The following TRRAP variants were observed in gnomAD, a reference collection of about 807,000 sequenced individuals.
TRRAP encodes transformation/transcription domain-associated protein.
TRRAP carries 41 observed loss-of-function variants against 438.8 expected under a neutral mutation model. The observed-to-expected ratio is 0.09, with a 90% CI of 0.07 to 0.12. The LOEUF (loss-of-function observed/expected upper bound fraction) is 0.12, where lower values mean the gene tolerates loss of function less well. Among genes scored for constraint, TRRAP ranks in the 10% least tolerant of loss-of-function variants. The pLI, the probability that TRRAP is intolerant of heterozygous loss-of-function variation, is 1.00. For missense variants in TRRAP, 3,122 were observed against 5,055.1 expected (o/e 0.62, Z 11.60); for synonymous variants, 1,994 against 1,962.9 (o/e 1.02, Z -0.42).
chr7:98,906,016 C>T (rs964688912), intron 12 of TRRAP, among the ~76,000 whole-genome samples, 161 bp from the exon 13 acceptor site: 23 of 152,232 alleles, frequency 1.5e-4, no homozygotes, highest in African/African-American at 5.3e-4. Context: ...CTATGTTAGA[C>T]TGAAATAGCA....
rs1190688505 is a variant in TRRAP at position 99,012,319 on chromosome 7, G to A, written c.11586G>A (p.Leu3862=). 1.2e-6 allele frequency: 2 copies of A among 1,610,084 alleles called. No homozygotes were observed. The highest frequency in any genetic ancestry group is 1.1e-5 in the South Asian group (1 of 90,480). ...CCGCGGCAAACAGCCTGGACAATCT[G>A]TGCCGCATGGACCCCGCCTGGCACC... is the stretch of plus-strand genomic sequence containing the variant. ...LVAAANSLDN[L]CRMDPAWHPW... Residue 3862 remains leucine, a synonymous_variant, in exon 73 of 73, where the codon CTG becomes CTA. Transcript: ENST00000456197. This position sits in a 1 kb window ranked among gnomAD's most constrained non-coding sequence, Gnocchi z 5.9.
intron 58 of TRRAP, among the ~76,000 whole-genome samples, chr7:98,981,396 C>T (rs1792907507): frequency 6.6e-6 from 1 of 152,066 alleles, no homozygotes; most frequent in African/African-American, 2.4e-5. Context: ...AGCAAGATTC[C>T]GTCTCAAAAA....
At chr7:98,958,314 T>C (rs1465089090) in intron 44 of TRRAP, among the ~76,000 whole-genome samples, 2 of 152,148 alleles carry the variant, frequency 1.3e-5, no homozygotes, top group African/African-American at 4.8e-5. Context: ...TTTTGGTTTT[T>C]TTTTTTGAGA....
At chr7:98,896,200 G>A (rs1300568004) in intron 7 of TRRAP, among the ~76,000 whole-genome samples, 3 of 151,636 alleles carry the variant, frequency 2.0e-5, no homozygotes, top group Non-Finnish European at 4.4e-5. Flanking sequence ...TTGGGGAGGT[G>A]GTGTATATTT....
intron 67 of TRRAP, among the ~76,000 whole-genome samples, chr7:98,996,636 T>C (rs753111263): frequency 6.6e-6 from 1 of 152,248 alleles, no homozygotes; most frequent in African/African-American, 2.4e-5. Flanking sequence ...CTTCAACTTA[T>C]TCTTTAAATT....
chr7:99,007,660 T>TA (rs1179496810), intron 69 of TRRAP, among the ~76,000 whole-genome samples: 1 of 147,492 alleles, frequency 6.8e-6, no homozygotes. Context: ...TGTTTATTCT[T>TA]ATTTTTTAGA....
chr7:98,992,561 G>T (rs76839077), intron 65 of TRRAP, among the ~76,000 whole-genome samples: 2 of 58,668 alleles, frequency 3.4e-5, no homozygotes, highest in African/African-American at 1.5e-4. Flanking sequence ...GCCAGCTGCC[G>T]TGTGTGTGTG....
chr7:98,961,731 C>T (rs1178428776), intron 46 of TRRAP, among the ~76,000 whole-genome samples: 1 of 152,142 alleles, frequency 6.6e-6, no homozygotes, highest in Non-Finnish European at 1.5e-5. Flanking sequence ...ACCAGCCTGA[C>T]CAACGTGGAG....
At position 98,984,332 on chromosome 7, in the gene TRRAP, G is replaced by A. The variant is rs200203849; in HGVS notation, c.9262G>A (p.Val3088Ile). 101 of 1,591,966 alleles carry A rather than the reference G, an allele frequency of 6.3e-5. No homozygotes were observed. The highest frequency in any genetic ancestry group is 4.3e-4 in the Admixed American group (25 of 58,282). The change falls in exon 61 of 73, where the codon GTC becomes ATC. Residue 3088 changes from valine to isoleucine, a missense_variant. Val to Ile is a conservative substitution (Grantham distance 29). Transcript: ENST00000456197. The stretch of plus-strand genomic sequence containing the variant: ...TAAATGCTACCTCCAGCTGGCAGGC[G>A]TCATGGGCAAAAACGAGTGCATGCA... ...QVKCYLQLAG[V>I]MGKNECMQGL...
chr7:98,967,291 A>G (rs1792199270), intron 50 of TRRAP, 129 bp downstream of exon 50: 2 of 1,374,526 alleles, frequency 1.5e-6, no homozygotes, highest in Admixed American at 4.4e-5. Context: ...TAAATGCTAA[A>G]TTGTGTGACC....
chr7:98,970,995 C>T (rs1398859116), intron 52 of TRRAP, among the ~76,000 whole-genome samples: 2 of 152,144 alleles, frequency 1.3e-5, no homozygotes, highest in East Asian at 3.9e-4. Context: ...TCCTTAAGGT[C>T]GTTGGTTTTT....
chr7:98,910,953 G>A (rs995259569), intron 16 of TRRAP, 124 bp from the exon 17 acceptor site: 6 of 761,552 alleles, frequency 7.9e-6, no homozygotes, highest in African/African-American at 5.5e-5. Flanking sequence ...GTTTTGGAGG[G>A]GGACATTTGT....
At chr7:98,896,162 C>T (rs544217881) in intron 7 of TRRAP, among the ~76,000 whole-genome samples, 31 of 151,984 alleles carry the variant, frequency 2.0e-4, no homozygotes, top group Non-Finnish European at 3.4e-4. Context: ...ATTTTAAAGA[C>T]GGTTGAGTTT....
intron 62 of TRRAP, 121 bp from the exon 63 acceptor site, chr7:98,988,644 C>T (rs1466958075): frequency 4.1e-6 from 5 of 1,223,614 alleles, no homozygotes; most frequent in African/African-American, 1.5e-5. Context: ...GGGGCGGTTG[C>T]ACAACATTGT....
At position 98,880,266 on chromosome 7, in the gene TRRAP, T is replaced by TG. The variant is rs369078784; in HGVS notation, c.-61-824_-61-823insG. Among the ~76,000 whole-genome samples the TG allele has an allele frequency of 2.1e-3, 292 of 141,642 alleles. 5 individuals are homozygous for TG. The highest frequency in any genetic ancestry group is 3.4e-3 in the Non-Finnish European group (222 of 64,444). 92.9% of individuals were successfully genotyped at this position (141,642 alleles called of 152,430 possible). A position where few individuals can be genotyped will look rare whatever the true frequency, so the allele number is the denominator to read the frequency against. On this transcript the variant is annotated intron_variant, in intron 1 of 72. Transcript: ENST00000456197. ...CTGCGTTTTGTTGTTGTTGTTGTTTTTTTTTTTTTTTTTCCGAGACTGAAC... is the reference window on the plus strand; with the variant it reads ...CTGCGTTTTGTTGTTGTTGTTGTTTTGTTTTTTTTTTTTTCCGAGACTGAAC...
chr7:98,919,014 A>G (rs969912879), intron 20 of TRRAP, among the ~76,000 whole-genome samples: 6 of 151,146 alleles, frequency 4.0e-5, no homozygotes, highest in Admixed American at 3.3e-4. Context: ...AAAAAGGTTG[A>G]TATGTTAAAG....
chr7:98,917,663 G>A lies in TRRAP; in HGVS notation c.2606G>A (p.Arg869His), dbSNP rs782198544. The part of the protein sequence containing the change: ...DFLYDHIQPV[R>H]AELMQALWRT... Reference sequence around the variant, plus strand: ...CTCTACGACCACATCCAGCCGGTGCGCGCAGAGCTCATGCAGGTAGGATTT... The same window carrying A: ...CTCTACGACCACATCCAGCCGGTGCACGCAGAGCTCATGCAGGTAGGATTT... Residue 869 changes from arginine to histidine, a missense_variant, in exon 20 of 73, where the codon CGC becomes CAC. This residue lies in a region of TRRAP where 20 missense variants were observed against 100.7 expected (regional missense o/e 0.20). Transcript: ENST00000456197. 2 of 1,614,026 alleles carry A rather than the reference G, an allele frequency of 1.2e-6. No homozygotes were observed. Among genetic ancestry groups the A allele is most frequent in the South Asian group, 1.1e-5 (1 of 91,082 alleles).
Position 98,981,835 on chromosome 7 carries a change from T to C in TRRAP, c.8701T>C (p.Cys2901Arg). ...CATGTACCGCGGATACCTGGCCATCTGCCACCCCGAGGAGCAGCAGCTCAG... is the reference window on the plus strand; with the variant it reads ...CATGTACCGCGGATACCTGGCCATCCGCCACCCCGAGGAGCAGCAGCTCAG... Reference protein sequence around the residue: ...VNMYRGYLAICHPEEQQLSFI... With the variant: ...VNMYRGYLAIRHPEEQQLSFI... Residue 2901 changes from cysteine to arginine, a missense_variant, in exon 59 of 73, where the codon TGC (cysteine) becomes CGC (arginine). Cys to Arg is a radical substitution (Grantham distance 180). This residue lies in a region of TRRAP where 992 missense variants were observed against 1,281.2 expected (regional missense o/e 0.77). Transcript: ENST00000456197. 1 of 1,605,664 alleles carries C rather than the reference T, an allele frequency of 6.2e-7. No individual in the cohort carries two copies. Among genetic ancestry groups the C allele is most frequent in the Non-Finnish European group, 8.5e-7 (1 of 1,176,784 alleles).
At chr7:98,939,132 T>C (rs1554415007) in intron 30 of TRRAP, among the ~76,000 whole-genome samples, 1 of 152,248 alleles carries the variant, frequency 6.6e-6, no homozygotes. Flanking sequence ...GGTCCACCAC[T>C]GCAAACATGA....
Sources: allele counts gnomAD v4.1 joint callset (sites outside exome capture counted in the v4.1 genomes callset), GRCh38; gene constraint gnomAD v4.1.1; regional missense constraint gnomAD v4.1.1; non-coding constraint Gnocchi (gnomAD v3.1); transcripts MANE v1.5; gene names NCBI Gene and HGNC (gene_info 2026-07-23, HGNC 2026-07-21).